Variants in TXLNG observed in about 807,000 individuals in gnomAD.
TXLNG encodes the protein gamma-taxilin.
Under a neutral mutation model 38.8 loss-of-function variants are expected in TXLNG, and 5 were observed. The ratio of observed to expected loss-of-function variants is 0.13; its 90% confidence interval spans 0.07 to 0.27. The LOEUF is 0.27. TXLNG is among the 10% of genes least tolerant of loss of function. The pLI, the probability that TXLNG is intolerant of heterozygous loss-of-function variation, is 1.00. For missense variants in TXLNG, 393 were observed against 398.2 expected (o/e 0.99, Z 0.11); for synonymous variants, 182 against 158.2 (o/e 1.15, Z -1.13).
rs747328562 is a variant in TXLNG, at chrX:16,813,605, G to A, written c.103-4969G>A. ...TGAGGCTGCAGTAAGCTTGCATTGT[G>A]CAGTCTGGGCAACAAAGCGAGACCT... On this transcript the variant is annotated intron_variant, in intron 1 of 9. Coordinates refer to ENST00000380122, the MANE Select transcript of TXLNG (RefSeq NM_018360.3). Among the ~76,000 whole-genome samples the A allele has an allele frequency of 4.4e-4, 46 of 103,418 alleles. 1 individual carries two copies. In the Admixed American group the frequency reaches 4.6e-3, roughly 10 times the overall value. The allele number at this position is 103,418 out of a possible 115,157, so 89.8% of individuals were successfully genotyped here. A position where few individuals can be genotyped will look rare whatever the true frequency, so the allele number is the denominator to read the frequency against.
chrX:16,788,667 G>GTT lies in TXLNG; in HGVS notation c.102+2095_102+2096dup, dbSNP rs10668899. On this transcript the variant is annotated intron_variant, in intron 1 of 9. Transcript: ENST00000380122. ...TTAAAAAAACAAACAAACTTGTTGT[G>GTT]TTTTTTTTTTTTTTTTTTGAGTCAG... 2.5e-4 allele frequency among the ~76,000 whole-genome samples: 20 copies of GTT among 80,339 alleles called. 1 individual carries two copies. The highest frequency in any genetic ancestry group is 3.3e-4 in the Non-Finnish European group (14 of 42,567). The allele number at this position is 80,339 out of a possible 115,157, so 69.8% of individuals were successfully genotyped here. A position where few individuals can be genotyped will look rare whatever the true frequency, so the allele number is the denominator to read the frequency against.
chrX:16,794,631 G>GA (rs1927817391), intron 1 of TXLNG, among the ~76,000 whole-genome samples: 1 of 111,864 alleles, frequency 8.9e-6, no homozygotes, highest in Non-Finnish European at 1.9e-5. Flanking sequence ...TGATGTTTCA[G>GA]AGGTGTATCA....
At chrX:16,787,289 C>T (rs1046059107) in intron 1 of TXLNG, among the ~76,000 whole-genome samples, 18 of 111,986 alleles carry the variant, frequency 1.6e-4, no homozygotes, top group African/African-American at 4.9e-4. Context: ...GATGGGGAGG[C>T]GATGCTGGAG....
chrX:16,837,999 A>C (rs1929655080), intron 8 of TXLNG, among the ~76,000 whole-genome samples: 2 of 112,055 alleles, frequency 1.8e-5, no homozygotes, highest in Non-Finnish European at 3.8e-5. Flanking sequence ...GATCATCCTC[A>C]GCCCTCTCAT....
intron 3 of TXLNG, among the ~76,000 whole-genome samples, chrX:16,822,340 CA>C (rs1220004254): frequency 0.011 from 1,050 of 93,507 alleles, 6 homozygotes; most frequent in African/African-American, 0.027. Flanking sequence ...GACTCTGACT[CA>C]AAAAAAAAAA....
intron 1 of TXLNG, among the ~76,000 whole-genome samples, chrX:16,787,511 C>G (rs1927539645): frequency 9.0e-6 from 1 of 111,483 alleles, no homozygotes; most frequent in Admixed American, 9.5e-5. Context: ...ACTTGACTCA[C>G]GTCAAGGAGT....
In TXLNG at chrX:16,842,878, C is replaced by G. The variant is rs905465099; in HGVS notation, c.*1112C>G. The G allele has an allele frequency of 8.9e-6, 1 of 111,970 alleles. No individual in the cohort carries two copies. Among genetic ancestry groups the G allele is most frequent in the Non-Finnish European group, 1.9e-5 (1 of 53,211 alleles). The allele number at this position is 111,970 out of a possible 1,213,427, so 9.2% of individuals were successfully genotyped here. On this transcript the variant is annotated 3_prime_UTR_variant, in exon 10 of 10. Transcript: ENST00000380122. ...GTTACTTACGTGTTCAGTCTGTTTT[C>G]TCACCCCCTTCTTAGTTACCATCTC...
intron 1 of TXLNG, among the ~76,000 whole-genome samples, chrX:16,795,580 C>T (rs1927855450): frequency 9.0e-6 from 1 of 111,591 alleles, no homozygotes; most frequent in Non-Finnish European, 1.9e-5. Flanking sequence ...CTTTTCTTGT[C>T]ATTTACCTAC....
chrX:16,840,389 T>C (rs1170638570), intron 9 of TXLNG: 1 of 729,310 alleles, frequency 1.4e-6, no homozygotes, highest in Non-Finnish European at 1.6e-6. Context: ...CTTGACTTAT[T>C]AGGCTTTCAA....
intron 1 of TXLNG, among the ~76,000 whole-genome samples, chrX:16,787,906 T>G (rs1460344081): frequency 8.9e-6 from 1 of 112,527 alleles, no homozygotes; most frequent in Non-Finnish European, 1.9e-5. Context: ...GAGCAGAGTG[T>G]TAAGAATTAG....
At chrX:16,833,067 T>A (rs1929471342) in intron 6 of TXLNG, among the ~76,000 whole-genome samples, 1 of 112,392 alleles carries the variant, frequency 8.9e-6, no homozygotes, top group Non-Finnish European at 1.9e-5. Flanking sequence ...TAGATAATGG[T>A]CATCAGGTTC....
At position 16,787,451 on chromosome X, in the gene TXLNG, C is replaced by T. The variant is rs529893446; in HGVS notation, c.102+862C>T. Among the ~76,000 whole-genome samples the T allele has an allele frequency of 1.6e-4, 18 of 110,914 alleles. No individual in the cohort carries two copies. The South Asian group carries it at 7.0e-3, about 43-fold the overall frequency. ...ACTTGAATGCCTTCCCGACCCTGGC[C>T]TTGGGTCTTTCTTAATCTGGGAAAC... On this transcript the variant is annotated intron_variant, in intron 1 of 9. Transcript: ENST00000380122.
chrX:16,805,162 T>G (rs1204539496), intron 1 of TXLNG, among the ~76,000 whole-genome samples: 1 of 108,090 alleles, frequency 9.3e-6, no homozygotes, highest in Non-Finnish European at 1.9e-5. Flanking sequence ...TTTTTTATTT[T>G]TAGTAGAGAC....
chrX:16,833,184 A>C (rs767829928), intron 6 of TXLNG, among the ~76,000 whole-genome samples: 26 of 112,362 alleles, frequency 2.3e-4, no homozygotes, highest in African/African-American at 7.4e-4. Context: ...GTTTTCAAAC[A>C]AGTAACTTGA....
At chrX:16,840,767 C>G in intron 9 of TXLNG, among the ~76,000 whole-genome samples, 1 of 110,272 alleles carries the variant, frequency 9.1e-6, no homozygotes, top group Non-Finnish European at 1.9e-5. Flanking sequence ...GCGAGACTGT[C>G]TCAAAAAAAA....
intron 5 of TXLNG, among the ~76,000 whole-genome samples, chrX:16,832,207 G>A (rs1929436431): frequency 8.9e-6 from 1 of 112,235 alleles, no homozygotes; most frequent in Non-Finnish European, 1.9e-5. Flanking sequence ...CTCCAGCTAA[G>A]GAATTTGGGA....
intron 1 of TXLNG, among the ~76,000 whole-genome samples, chrX:16,798,035 C>T (rs1207312468): frequency 8.9e-6 from 1 of 112,145 alleles, no homozygotes; most frequent in Admixed American, 9.5e-5. Flanking sequence ...GTAGTTGGAA[C>T]AGGGAGGAGT....
chrX:16,803,617 A>G (rs1372913968), intron 1 of TXLNG, among the ~76,000 whole-genome samples: 4 of 99,926 alleles, frequency 4.0e-5, no homozygotes, highest in African/African-American at 1.4e-4. Context: ...TGCTGGGATT[A>G]CAGGCGTGAA....
intron 1 of TXLNG, among the ~76,000 whole-genome samples, chrX:16,812,758 A>G (rs1191228609): frequency 5.0e-4 from 36 of 72,227 alleles, no homozygotes; most frequent in African/African-American, 1.9e-3. Context: ...CTGGAGTACA[A>G]TGGTGTGATC....
Sources: allele counts gnomAD v4.1 joint callset (sites outside exome capture counted in the v4.1 genomes callset), GRCh38; gene constraint gnomAD v4.1.1; transcripts MANE v1.5; gene names NCBI Gene and HGNC (gene_info 2026-07-23, HGNC 2026-07-21).